The following SPOCK3 variants were observed in gnomAD, a reference collection of about 807,000 sequenced individuals.
SPOCK3 encodes testican-3.
In SPOCK3, 30 loss-of-function variants were observed where a neutral mutation model predicts 56.6. The ratio of observed to expected loss-of-function variants is 0.53; its 90% CI spans 0.40 to 0.72. SPOCK3 has a LOEUF of 0.72. SPOCK3 is among the 30% of genes least tolerant of loss of function. SPOCK3 has a pLI of 0.00. For synonymous variants in SPOCK3, 196 were observed against 183.3 expected (o/e 1.07, Z -0.56); for missense variants, 527 against 530.0 (o/e 0.99, Z 0.06).
chr4:166,949,439 T>A (rs907899894), intron 4 of SPOCK3, among the ~76,000 whole-genome samples: 15 of 152,184 alleles, frequency 9.9e-5, no homozygotes, highest in African/African-American at 3.1e-4. Flanking sequence ...TTTCCAGTTT[T>A]TCTGCTCTGT....
chr4:167,133,513 T>A (rs1338764076), intron 2 of SPOCK3, among the ~76,000 whole-genome samples: 1 of 152,212 alleles, frequency 6.6e-6, no homozygotes. Context: ...AGCATTCTTT[T>A]GTAAAGCAGA....
intron 6 of SPOCK3, among the ~76,000 whole-genome samples, chr4:166,816,562 A>T (rs538272946): frequency 5.3e-4 from 81 of 152,112 alleles, no homozygotes; most frequent in Non-Finnish European, 9.4e-4. Context: ...TCCTTCAAGG[A>T]CAAGCTTCCT....
chr4:167,081,525 C>T (rs778951237), intron 2 of SPOCK3, among the ~76,000 whole-genome samples: 48 of 152,076 alleles, frequency 3.2e-4, no homozygotes, highest in Non-Finnish European at 6.2e-4. Flanking sequence ...TACTGACACA[C>T]AATTTAGATA....
At chr4:167,179,712 C>T (rs188387734) in intron 2 of SPOCK3, among the ~76,000 whole-genome samples, 11 of 152,042 alleles carry the variant, frequency 7.2e-5, no homozygotes, top group Non-Finnish European at 1.3e-4. Context: ...AGAATGATAC[C>T]GCATTATATT....
Position 166,794,981 on chromosome 4 carries a change from T to C in SPOCK3, c.590-2692A>G, listed in dbSNP as rs543872085. Among the ~76,000 whole-genome samples, 9 of 152,264 alleles carry C rather than the reference T, an allele frequency of 5.9e-5. No individual in the cohort carries two copies. In the South Asian group the frequency reaches 1.7e-3, roughly 28 times the overall value. On this transcript the variant is annotated intron_variant, in intron 6 of 10. Coordinates refer to ENST00000357545, the MANE Select transcript of SPOCK3 (RefSeq NM_001040159.2). The stretch of plus-strand genomic sequence containing the variant: ...GTATCGTGCAGGTATACTACATGTA[T>C]ACAAACACATTCATTTAAATTGCGC...
intron 4 of SPOCK3, among the ~76,000 whole-genome samples, chr4:166,998,933 G>A (rs1297093215): frequency 1.3e-5 from 2 of 151,970 alleles, no homozygotes; most frequent in African/African-American, 2.4e-5. Context: ...TAATAGAAAT[G>A]CCAAGAAATT....
At chr4:166,894,522 C>T (rs1337913282) in intron 5 of SPOCK3, among the ~76,000 whole-genome samples, 1 of 152,122 alleles carries the variant, frequency 6.6e-6, no homozygotes, top group Non-Finnish European at 1.5e-5. Context: ...ATACTTCAAA[C>T]TTTAGGCATT....
At chr4:167,213,732 T>A (rs1735095183) in intron 2 of SPOCK3, among the ~76,000 whole-genome samples, 1 of 149,274 alleles carries the variant, frequency 6.7e-6, no homozygotes, top group African/African-American at 2.6e-5. Flanking sequence ...TTCAACTACC[T>A]TGCATTACCA....
chr4:166,975,023 G>T (rs1344931894), intron 4 of SPOCK3, among the ~76,000 whole-genome samples: 1 of 152,120 alleles, frequency 6.6e-6, no homozygotes, highest in African/African-American at 2.4e-5. Context: ...GTGGGTCTGA[G>T]AGTCGGTCTG....
chr4:167,015,134 G>A (rs1055609277), intron 3 of SPOCK3, among the ~76,000 whole-genome samples: 1 of 151,906 alleles, frequency 6.6e-6, no homozygotes, highest in African/African-American at 2.4e-5. Context: ...TCCTCTAGAA[G>A]GTAAATACTG....
intron 2 of SPOCK3, among the ~76,000 whole-genome samples, chr4:167,089,199 A>C (rs1758489658): frequency 6.6e-6 from 1 of 152,110 alleles, no homozygotes; most frequent in Non-Finnish European, 1.5e-5. Context: ...GCCATTTGAG[A>C]TAATACAACT....
intron 2 of SPOCK3, among the ~76,000 whole-genome samples, chr4:167,079,637 T>C (rs1009262895): frequency 6.6e-6 from 1 of 152,012 alleles, no homozygotes; most frequent in Admixed American, 6.6e-5. Context: ...AATGGTCAAC[T>C]TCTCTGTGAA....
intron 4 of SPOCK3, among the ~76,000 whole-genome samples, chr4:166,917,838 C>A (rs1361424221): frequency 6.6e-6 from 1 of 152,016 alleles, no homozygotes; most frequent in Non-Finnish European, 1.5e-5. Flanking sequence ...CAGTCTCAGG[C>A]ATTTCTTTAT....
At chr4:166,755,092 C>A (rs1166931788) in intron 7 of SPOCK3, among the ~76,000 whole-genome samples, 2 of 151,956 alleles carry the variant, frequency 1.3e-5, no homozygotes, top group African/African-American at 4.8e-5. Flanking sequence ...TATTTTAAAA[C>A]ATCCTATGAA....
At chr4:166,995,045 T>G (rs1340326196) in intron 4 of SPOCK3, among the ~76,000 whole-genome samples, 1 of 152,074 alleles carries the variant, frequency 6.6e-6, no homozygotes, top group African/African-American at 2.4e-5. Flanking sequence ...ATAAGTAACA[T>G]AAGACAATAA....
At chr4:166,838,627 T>TA (rs1746883802) in intron 6 of SPOCK3, among the ~76,000 whole-genome samples, 1 of 149,716 alleles carries the variant, frequency 6.7e-6, no homozygotes, top group African/African-American at 2.5e-5. Context: ...CATACTTGGT[T>TA]ACTGAAATAT....
chr4:167,064,946 C>T (rs772166128), intron 2 of SPOCK3, among the ~76,000 whole-genome samples: 1 of 142,164 alleles, frequency 7.0e-6, no homozygotes, highest in Non-Finnish European at 1.5e-5. Flanking sequence ...GACAAGCTGT[C>T]ATTACTGCTC....
chr4:167,234,160 G>A lies in SPOCK3; in HGVS notation c.14C>T (p.Ser5Leu). The change falls in exon 2 of 11, where the codon TCA (serine) becomes TTA (leucine). Residue 5 changes from serine (S) to leucine (L), a missense_variant. By Grantham distance (145) the Ser-to-Leu change is moderately radical. Coordinates refer to ENST00000357545, the MANE Select transcript of SPOCK3 (RefSeq NM_001040159.2). MLKVSAVLCVCAAAW... is the reference protein window; with the variant it reads MLKVLAVLCVCAAAW... ...GGCTGCACACACACACAGTACGGCT[G>A]ACACCTTGAGCATCTGGGAGAGGAG... The A allele has an allele frequency of 1.2e-6, 2 of 1,612,096 alleles. No individual in the cohort carries two copies. The highest frequency in any genetic ancestry group is 2.2e-5 in the South Asian group (2 of 91,020).
chr4:166,895,541 A>G (rs1256582727), intron 5 of SPOCK3, among the ~76,000 whole-genome samples: 1 of 152,172 alleles, frequency 6.6e-6, no homozygotes, highest in Non-Finnish European at 1.5e-5. Context: ...AGATGATTTC[A>G]ATGGTTACCC....
Sources: gnomAD v4.1 joint callset for allele counts (sites outside exome capture counted in the v4.1 genomes callset) on GRCh38, gnomAD v4.1.1 for gene constraint, MANE v1.5 for transcripts, NCBI Gene and HGNC (gene_info 2026-07-23, HGNC 2026-07-21) for gene names.